TSC1: variants seen among roughly 807,000 people sequenced by gnomAD.
TSC1 encodes the protein hamartin.
A neutral mutation model predicts 124.3 loss-of-function variants in TSC1; 20 were observed. That is an observed-to-expected ratio of 0.16 (90% CI 0.11 to 0.23). The LOEUF (loss-of-function observed/expected upper bound fraction) is 0.23, where lower values mean the gene tolerates loss of function less well. Among genes scored for constraint, TSC1 ranks in the 10% least tolerant of loss-of-function variants. The probability of loss-of-function intolerance (pLI) is 1.00; values close to 1 mark genes in which losing one functional copy is unlikely to be tolerated. For missense variants in TSC1, 1,124 were observed against 1,448.5 expected (o/e 0.78, Z 3.64); for synonymous variants, 493 against 539.1 (o/e 0.91, Z 1.19).
At chr9:132,933,444 GTTTT>G (rs60001652) in intron 2 of TSC1, among the ~76,000 whole-genome samples, 2 of 151,832 alleles carry the variant, frequency 1.3e-5, no homozygotes, top group African/African-American at 2.4e-5. Context: ...AAAAGCTGGG[GTTTT>G]TTTTGTTTCA....
At chr9:132,935,208 C>A in intron 1 of TSC1, 113 bp from the exon 2 acceptor site, 2 of 396,254 alleles carry the variant, frequency 5.0e-6, no homozygotes, top group Non-Finnish European at 4.4e-6. Flanking sequence ...CAGGTGGCCA[C>A]CACGTTTCCA....
chr9:132,935,257 C>T (rs897524573), intron 1 of TSC1, among the ~76,000 whole-genome samples, 162 bp from the exon 2 acceptor site: 1 of 152,238 alleles, frequency 6.6e-6, no homozygotes, highest in African/African-American at 2.4e-5. Context: ...GCACGTGCCT[C>T]TCCCCGTCTA....
chr9:132,934,360 G>C (rs1276536260), intron 2 of TSC1: 3 of 152,206 alleles, frequency 2.0e-5, no homozygotes, highest in Non-Finnish European at 4.4e-5. Context: ...TATATTCTGA[G>C]ACAGGATCAT....
intron 12 of TSC1, among the ~76,000 whole-genome samples, chr9:132,907,739 C>T (rs1464060032): frequency 6.6e-6 from 1 of 152,208 alleles, no homozygotes; most frequent in African/African-American, 2.4e-5. Flanking sequence ...ATCTGCCTGC[C>T]TCGGCCTCCC....
At chr9:132,931,870 C>T (rs1225120638) in intron 2 of TSC1, among the ~76,000 whole-genome samples, 1 of 152,164 alleles carries the variant, frequency 6.6e-6, no homozygotes, top group Non-Finnish European at 1.5e-5. Context: ...CCTACATGGA[C>T]TCAGTCAGGG....
At chr9:132,935,204 G>C in intron 1 of TSC1, 109 bp from the exon 2 acceptor site, 1 of 396,274 alleles carries the variant, frequency 2.5e-6, no homozygotes, top group Non-Finnish European at 4.4e-6. Flanking sequence ...CTGACAGGTG[G>C]CCACCACGTT....
In TSC1 at chr9:132,892,512, G is replaced by A. The variant is rs1844825394; in HGVS notation, c.*3723C>T. The stretch of plus-strand genomic sequence containing the variant: ...TTCTCCAGGTGGGGCAGAGCCCCCT[G>A]GGGGAACAACTCTCCAAGAGTATCC... On this transcript the variant is annotated 3_prime_UTR_variant, in exon 23 of 23. Transcript: ENST00000298552. 1 of 233,262 alleles carries A rather than the reference G, an allele frequency of 4.3e-6. No homozygotes were observed. The highest frequency in any genetic ancestry group is 2.2e-5 in the African/African-American group (1 of 45,344). 14.4% of individuals were successfully genotyped at this position (233,262 alleles called of 1,614,324 possible). A position where few individuals can be genotyped will look rare whatever the true frequency, so the allele number is the denominator to read the frequency against.
chr9:132,944,680 C>A, upstream of TSC1: 1 of 398,852 alleles, frequency 2.5e-6, no homozygotes, highest in Non-Finnish European at 4.4e-6. Context: ...AAAGAGTCCC[C>A]CTCCGGACCT....
At position 132,928,861 on chromosome 9, in the gene TSC1, T is replaced by C. The variant is rs1588363707; in HGVS notation, c.12A>G (p.Gln4=). The stretch of plus-strand genomic sequence containing the variant: ...TGGCAAGAAGCTCCCCGACATTTGC[T>C]TGTTGGGCCATTCTCTCGCTCGAAG... The part of the protein sequence containing the change: MAQ[Q]ANVGELLAML... Residue 4 remains glutamine (Q), a synonymous_variant, in exon 3 of 23, where the codon CAA becomes CAG. Coordinates refer to ENST00000298552, the MANE Select transcript of TSC1 (RefSeq NM_000368.5). 1.2e-6 allele frequency: 2 copies of C among 1,614,178 alleles called. No homozygotes were observed. Among genetic ancestry groups the C allele is most frequent in the African/African-American group, 1.3e-5 (1 of 75,064 alleles).
chr9:132,907,249 A>G, intron 13 of TSC1, 52 bp downstream of exon 13: 1 of 1,479,368 alleles, frequency 6.8e-7, no homozygotes, highest in Admixed American at 1.7e-5. Flanking sequence ...TTAAACACAT[A>G]TAACCCAATT....
chr9:132,900,628 A>G (rs1305544544), intron 20 of TSC1, 87 bp downstream of exon 20: 2 of 1,602,978 alleles, frequency 1.2e-6, no homozygotes, highest in Non-Finnish European at 1.7e-6. Flanking sequence ...TAAGTCATCA[A>G]GCCATTCTCT....
intron 20 of TSC1, chr9:132,900,194 A>G (rs1845294754): frequency 5.8e-6 from 1 of 173,448 alleles, no homozygotes; most frequent in African/African-American, 2.4e-5. Flanking sequence ...CACTAACATT[A>G]CCTGAGGCTA....
chr9:132,932,540 G>A (rs1023135228), intron 2 of TSC1, among the ~76,000 whole-genome samples: 2 of 152,128 alleles, frequency 1.3e-5, no homozygotes, highest in African/African-American at 4.8e-5. Context: ...TCACTCCTCT[G>A]TTTAAAATCA....
rs774900322 is a variant in TSC1, at chr9:132,928,826, G to C, written c.47C>G (p.Ser16Cys). Residue 16 changes from serine (S) to cysteine (C), a missense_variant, in exon 3 of 23, where the codon TCC becomes TGC. Ser to Cys is a moderately radical substitution (Grantham distance 112, BLOSUM62 -1). Around this residue, in one of 5 missense-constraint regions of TSC1, gnomAD observed 463 missense variants for 606.8 expected, o/e 0.76. Transcript: ENST00000298552. Reference sequence around the variant, plus strand: ...GTCGTCCCGCACACCCAGCATGGGGGAGTCCAGCATGGCAAGAAGCTCCCC... The same window carrying C: ...GTCGTCCCGCACACCCAGCATGGGGCAGTCCAGCATGGCAAGAAGCTCCCC... ...NVGELLAMLD[S>C]PMLGVRDDVT... is the part of the protein sequence containing the mutation. 3.7e-6 allele frequency: 6 copies of C among 1,614,186 alleles called. No individual in the cohort carries two copies. The highest frequency in any genetic ancestry group is 5.1e-6 in the Non-Finnish European group (6 of 1,180,038).
chr9:132,934,194 C>A (rs547057652), intron 2 of TSC1, among the ~76,000 whole-genome samples: 79 of 152,250 alleles, frequency 5.2e-4, no homozygotes, highest in African/African-American at 1.8e-3. Flanking sequence ...GACAGCAGAC[C>A]AAGCACCTCC....
chr9:132,917,309 A>C (rs1330500454), intron 8 of TSC1, among the ~76,000 whole-genome samples: 1 of 151,594 alleles, frequency 6.6e-6, no homozygotes, highest in African/African-American at 2.4e-5. Flanking sequence ...TTCTTTCACA[A>C]TTTCTTCCTC....
chr9:132,933,688 G>A (rs960797644), intron 2 of TSC1, among the ~76,000 whole-genome samples: 7 of 152,260 alleles, frequency 4.6e-5, no homozygotes, highest in South Asian at 4.1e-4. Context: ...CCTAGCAGCC[G>A]GTAGTGCCCA....
At position 132,897,612 on chromosome 9, in the gene TSC1, T is replaced by TTAA; in HGVS notation, c.2626-3_2626-2insTTA. The TTAA allele has an allele frequency of 2.3e-5, 21 of 914,120 alleles. No homozygotes were observed. The highest frequency in any genetic ancestry group is 3.0e-4 in the Middle Eastern group (1 of 3,298). 56.6% of individuals were successfully genotyped at this position (914,120 alleles called of 1,614,324 possible). A position where few individuals can be genotyped will look rare whatever the true frequency, so the allele number is the denominator to read the frequency against. On this transcript the variant is annotated splice_region_variant and splice_polypyrimidine_tract_variant and intron_variant, in intron 20 of 22. Transcript: ENST00000298552. Reference sequence around the variant, plus strand: ...GGCGGCTTTCATCATTTCTACTTCCTGAAAAAAAAAAAAAAAAAAGACTGG... The same window carrying TTAA: ...GGCGGCTTTCATCATTTCTACTTCCTTAAGAAAAAAAAAAAAAAAAAAGACTGG...
chr9:132,911,232 T>G lies in TSC1; in HGVS notation c.1030-119A>C, dbSNP rs1021217881. The G allele has an allele frequency of 1.1e-5, 10 of 890,290 alleles. No individual in the cohort carries two copies. In the African/African-American group the frequency reaches 1.7e-4, roughly 15 times the overall value. 55.1% of individuals were successfully genotyped at this position (890,290 alleles called of 1,614,324 possible). Reference sequence around the variant, plus strand: ...CTTTTTCATCTAGAAAAAGGCATCTTATTAAAAGCGTATCAAGAAACAAGT... The same window carrying G: ...CTTTTTCATCTAGAAAAAGGCATCTGATTAAAAGCGTATCAAGAAACAAGT... On this transcript the variant is annotated intron_variant, in intron 10 of 22. Coordinates refer to ENST00000298552, the MANE Select transcript of TSC1 (RefSeq NM_000368.5).
Sources: allele counts gnomAD v4.1 joint callset (sites outside exome capture counted in the v4.1 genomes callset), GRCh38; gene constraint gnomAD v4.1.1; regional missense constraint gnomAD v4.1.1; transcripts MANE v1.5; gene names NCBI Gene and HGNC (gene_info 2026-07-23, HGNC 2026-07-21).